The following PCDHA10 variants were observed in gnomAD, a reference collection of about 807,000 sequenced individuals.
The protein encoded by PCDHA10 is protocadherin alpha 10, also known as protocadherin alpha-10.
Under a neutral mutation model 61.2 loss-of-function variants are expected in PCDHA10, and 45 were observed. The observed-to-expected ratio is 0.74, with a 90% CI of 0.58 to 0.94. The LOEUF is 0.94. PCDHA10 is among the 40% of genes least tolerant of loss of function. The pLI is 0.00. For synonymous variants in PCDHA10, 602 were observed against 548.8 expected (o/e 1.10, Z -1.35); for missense variants, 1,278 against 1,236.2 (o/e 1.03, Z -0.51).
rs782590821 is a variant in PCDHA10 at position 140,929,251 on chromosome 5, G to T, written c.2389-49698G>T. On this transcript the variant is annotated intron_variant, in intron 1 of 3. Transcript: ENST00000307360. ...CGACCTGCGAAATCTTGCCACTGGG[G>T]TAGGACTGAATTTGCCAATATCCTG... The T allele has an allele frequency of 3.1e-6, 5 of 1,613,416 alleles. No homozygotes were observed. Among genetic ancestry groups the T allele is most frequent in the African/African-American group, 1.3e-5 (1 of 74,908 alleles).
intron 1 of PCDHA10, chr5:140,883,940 G>T: frequency 6.2e-7 from 1 of 1,613,412 alleles, no homozygotes; most frequent in Non-Finnish European, 8.5e-7. Flanking sequence ...CGTGCTGGAC[G>T]AGAACGACAA....
chr5:140,862,602 C>T (rs2047444114), intron 1 of PCDHA10: 2 of 514,424 alleles, frequency 3.9e-6, no homozygotes, highest in South Asian at 3.0e-5. Flanking sequence ...ACATGGTGTT[C>T]GTGAAAGGTA....
chr5:140,889,720 T>C (rs1259294888), intron 1 of PCDHA10, among the ~76,000 whole-genome samples: 1 of 152,240 alleles, frequency 6.6e-6, no homozygotes, highest in African/African-American at 2.4e-5. Context: ...TCTTTGCTAC[T>C]GTCTCACTGA....
intron 1 of PCDHA10, chr5:140,968,417 G>T (rs1459159857): frequency 3.7e-6 from 6 of 1,614,036 alleles, no homozygotes; most frequent in Non-Finnish European, 5.1e-6. Flanking sequence ...GACTGTGGAG[G>T]CTCAGGACAA....
rs148906083 is a variant in PCDHA10, at chr5:140,906,715, A to C, written c.2388+48279A>C. ...CTGGGCCATTTGTAGTCCTGCCTGG[A>C]TTGTGCTGTTGTAGTTTCCCATTGA... On this transcript the variant is annotated intron_variant, in intron 1 of 3. Transcript: ENST00000307360. Among the ~76,000 whole-genome samples, 692 of 152,238 alleles carry C rather than the reference A, an allele frequency of 4.5e-3. 12 individuals carry two copies. The highest frequency in any genetic ancestry group is 0.027 in the Middle Eastern group (8 of 294).
intron 1 of PCDHA10, among the ~76,000 whole-genome samples, chr5:140,936,322 A>C (rs1225268806): frequency 2.6e-5 from 4 of 152,196 alleles, no homozygotes; most frequent in Admixed American, 6.5e-5. Context: ...CTGACATGCT[A>C]TAAATTTTCT....
Position 140,856,374 on chromosome 5 carries a change from T to C in PCDHA10, c.326T>C (p.Val109Ala). The part of the protein sequence containing the change: ...VECSIHLEVI[V>A]DRPLQVFHVD... ...TGCAGCATCCACCTGGAGGTGATCG[T>C]GGACAGGCCGCTGCAGGTTTTCCAT... Residue 109 changes from valine to alanine, a missense_variant, in exon 1 of 4, where the codon GTG becomes GCG. Val to Ala is a moderately conservative substitution (Grantham distance 64). Coordinates refer to ENST00000307360, the MANE Select transcript of PCDHA10 (RefSeq NM_018901.4). 1.9e-6 allele frequency: 3 copies of C among 1,598,376 alleles called. No individual in the cohort carries two copies. The highest frequency in any genetic ancestry group is 2.6e-6 in the Non-Finnish European group (3 of 1,167,932).
chr5:140,869,059 C>T (rs782790799), intron 1 of PCDHA10: 1 of 1,555,654 alleles, frequency 6.4e-7, no homozygotes, highest in East Asian at 2.2e-5. Context: ...GAATCTGGTA[C>T]TGTAAGTGTA....
chr5:140,993,462 TCACACA>T (rs3836747), intron 3 of PCDHA10, among the ~76,000 whole-genome samples: 28,176 of 140,902 alleles, frequency 0.2, 2,920 homozygotes, highest in East Asian at 0.31. Flanking sequence ...TCTTTCTTTC[TCACACA>T]CACACACACA....
At chr5:140,969,733 T>C (rs1299165103) in intron 1 of PCDHA10, among the ~76,000 whole-genome samples, 1 of 152,242 alleles carries the variant, frequency 6.6e-6, no homozygotes, top group Non-Finnish European at 1.5e-5. Context: ...TTTGAAATCC[T>C]ATATGAGTGA....
intron 1 of PCDHA10, among the ~76,000 whole-genome samples, chr5:140,964,203 C>T (rs2095816993): frequency 6.6e-6 from 1 of 152,212 alleles, no homozygotes; most frequent in African/African-American, 2.4e-5. Context: ...TATACCATCT[C>T]TTTAGTACAA....
chr5:140,999,693 AT>A (rs202183337), intron 3 of PCDHA10, among the ~76,000 whole-genome samples: 13 of 151,522 alleles, frequency 8.6e-5, no homozygotes, highest in African/African-American at 2.4e-4. Flanking sequence ...AAGAAATGTG[AT>A]TTTTTTTTAG....
intron 1 of PCDHA10, chr5:140,877,431 C>A: frequency 1.2e-6 from 2 of 1,613,836 alleles, no homozygotes; most frequent in Non-Finnish European, 1.7e-6. Flanking sequence ...TGGTGAAGGA[C>A]CACGGTGAGC....
In PCDHA10 at chr5:140,883,718, G is replaced by A. The variant is rs376943163; in HGVS notation, c.2388+25282G>A. 7 of 1,613,642 alleles carry A rather than the reference G, an allele frequency of 4.3e-6. No homozygotes were observed. The South Asian group carries it at 6.6e-5, about 15-fold the overall frequency. ...CACGGTGTCTGCTCAGGACGCGGAC[G>A]CACAGGAGAACGCGCTGGTCTCCTA... On this transcript the variant is annotated intron_variant, in intron 1 of 3. Transcript: ENST00000307360.
intron 1 of PCDHA10, among the ~76,000 whole-genome samples, chr5:140,977,726 C>T (rs368776202): frequency 2.0e-5 from 3 of 152,290 alleles, no homozygotes; most frequent in African/African-American, 7.2e-5. Flanking sequence ...GATCATTTCT[C>T]TCCTGGGTGT....
At position 141,009,931 on chromosome 5, in the gene PCDHA10, C is replaced by T. The variant is rs2098415407; in HGVS notation, c.2841C>T (p.Asp947=). ...EKGNSTTDNS[D]Q ...GGAACAGCACGACTGACAACAGTGA[C>T]CAGTGAGGTCCTCAAATGGAAACAA... Residue 947 remains aspartate (D), a synonymous_variant, in exon 4 of 4, where the codon GAC becomes GAT. Transcript: ENST00000307360. The T allele has an allele frequency of 6.2e-7, 1 of 1,601,706 alleles. No individual in the cohort carries two copies. The highest frequency in any genetic ancestry group is 8.5e-7 in the Non-Finnish European group (1 of 1,175,864).
chr5:140,967,887 T>G, intron 1 of PCDHA10: 1 of 1,614,078 alleles, frequency 6.2e-7, no homozygotes, highest in Non-Finnish European at 8.5e-7. Flanking sequence ...TATAGCCCAG[T>G]GCCTGAGAAT....
intron 3 of PCDHA10, among the ~76,000 whole-genome samples, chr5:141,000,401 A>ATT (rs2097917579): frequency 1.3e-5 from 1 of 76,232 alleles, no homozygotes; most frequent in Non-Finnish European, 2.5e-5. Flanking sequence ...CTCTCTATAT[A>ATT]TATATATATA....
chr5:140,889,035 T>C (rs1554183751), intron 1 of PCDHA10, among the ~76,000 whole-genome samples: 2 of 152,104 alleles, frequency 1.3e-5, no homozygotes. Flanking sequence ...AACCGTAATT[T>C]GATTATAATT....
Sources: gnomAD v4.1 joint callset for allele counts (sites outside exome capture counted in the v4.1 genomes callset) on GRCh38, gnomAD v4.1.1 for gene constraint, MANE v1.5 for transcripts, NCBI Gene and HGNC (gene_info 2026-07-23, HGNC 2026-07-21) for gene names.